The following PHACTR3 variants were observed in gnomAD, a reference collection of about 807,000 sequenced individuals.
PHACTR3 encodes phosphatase and actin regulator 3.
PHACTR3 carries 16 observed loss-of-function variants against 66.8 expected under a neutral mutation model. The ratio of observed to expected loss-of-function variants is 0.24; its 90% CI spans 0.16 to 0.36. The LOEUF is 0.36. PHACTR3 is among the 10% of genes least tolerant of loss of function. The pLI, the probability that PHACTR3 is intolerant of heterozygous loss-of-function variation, is 1.00. For synonymous variants in PHACTR3, 323 were observed against 292.1 expected (o/e 1.11, Z -1.08); for missense variants, 647 against 719.9 (o/e 0.90, Z 1.16).
At chr20:59,836,222 A>C in intron 8 of PHACTR3, 7 of 396,420 alleles carry the variant, frequency 1.8e-5, no homozygotes, top group Non-Finnish European at 2.2e-5. Flanking sequence ...CAGACCAGGC[A>C]AGGTTTGGGC....
At chr20:59,623,427 C>A (rs949879935) in intron 1 of PHACTR3, among the ~76,000 whole-genome samples, 2 of 152,174 alleles carry the variant, frequency 1.3e-5, no homozygotes, top group African/African-American at 4.8e-5. Flanking sequence ...CAACAAACAT[C>A]GACTGTCTTT....
In PHACTR3 at chr20:59,829,157, A is replaced by T. The variant is rs115561749; in HGVS notation, c.1329-7348A>T. On this transcript the variant is annotated intron_variant, in intron 8 of 12. Transcript: ENST00000371015. The surrounding 1 kb of genome is among the most constrained non-coding windows in gnomAD (Gnocchi z 4.2). ...CAGGGTGTGAAAAGGTCGGCTTTGGACTCAGAGTGCCTGGAGTCACATCCT... is the reference window on the plus strand; with the variant it reads ...CAGGGTGTGAAAAGGTCGGCTTTGGTCTCAGAGTGCCTGGAGTCACATCCT... 0.043 allele frequency among the ~76,000 whole-genome samples: 6,533 copies of T among 152,092 alleles called. 247 individuals carry two copies. Among genetic ancestry groups the T allele is most frequent in the African/African-American group, 0.1 (4,209 of 41,474 alleles).
chr20:59,807,867 G>A (rs1328036833), intron 8 of PHACTR3, among the ~76,000 whole-genome samples: 1 of 152,158 alleles, frequency 6.6e-6, no homozygotes, highest in African/African-American at 2.4e-5. Context: ...ATCCACATAC[G>A]CATCATTTTC....
At chr20:59,636,236 AG>A (rs2146408733) in intron 1 of PHACTR3, among the ~76,000 whole-genome samples, 1 of 152,326 alleles carries the variant, frequency 6.6e-6, no homozygotes, top group East Asian at 1.9e-4. Context: ...GTTATAAGCC[AG>A]TTCCTGAGTC....
rs2146548579 is a variant in PHACTR3, at chr20:59,683,285, T to G, written c.119-59822T>G. Among the ~76,000 whole-genome samples the G allele has an allele frequency of 1.3e-5, 2 of 152,338 alleles. 1 individual carries two copies. The highest frequency in any genetic ancestry group is 4.1e-4 in the South Asian group (2 of 4,828). On this transcript the variant is annotated intron_variant, in intron 1 of 12. Transcript: ENST00000371015. ...GCTACAGTGAATTTGGAGCATCTAT[T>G]TGACATCCGTGCAAAGATGACAAAT... is the stretch of plus-strand genomic sequence containing the variant.
chr20:59,752,437 C>CCCCCAACCCCT (rs1163863829), intron 3 of PHACTR3, among the ~76,000 whole-genome samples: 1 of 152,164 alleles, frequency 6.6e-6, no homozygotes, highest in East Asian at 1.9e-4. Context: ...TCCCACCGCT[C>CCCCCAACCCCT]CCCCAACCCC....
At chr20:59,790,242 ATTAG>A (rs1184361005) in intron 7 of PHACTR3, among the ~76,000 whole-genome samples, 1 of 152,122 alleles carries the variant, frequency 6.6e-6, no homozygotes, top group African/African-American at 2.4e-5. Context: ...CTTAGTACCC[ATTAG>A]TTAGTTTTCC....
chr20:59,704,156 C>A (rs926009307), intron 1 of PHACTR3, among the ~76,000 whole-genome samples: 1 of 152,116 alleles, frequency 6.6e-6, no homozygotes, highest in East Asian at 1.9e-4. Flanking sequence ...GCCTTCCCAT[C>A]GGCAAGGAAT....
intron 1 of PHACTR3, among the ~76,000 whole-genome samples, chr20:59,591,448 G>A (rs185000756): frequency 8.3e-4 from 127 of 152,302 alleles, no homozygotes; most frequent in Non-Finnish European, 9.3e-4. Context: ...AACTTGGTGG[G>A]TATTTTAGGG....
At chr20:59,755,069 G>A (rs1235740806) in intron 3 of PHACTR3, 113 bp from the exon 4 acceptor site, 5 of 1,066,990 alleles carry the variant, frequency 4.7e-6, no homozygotes, top group Non-Finnish European at 6.7e-6. Flanking sequence ...GGGGAGAGGG[G>A]TGGGGGACCA....
intron 1 of PHACTR3, among the ~76,000 whole-genome samples, chr20:59,717,840 A>G (rs1350920392): frequency 6.6e-6 from 1 of 152,212 alleles, no homozygotes; most frequent in Non-Finnish European, 1.5e-5. Context: ...AGGCACTTAA[A>G]TCTTTGATGA....
intron 1 of PHACTR3, among the ~76,000 whole-genome samples, chr20:59,698,306 G>A (rs1049315137): frequency 2.0e-5 from 3 of 152,094 alleles, no homozygotes; most frequent in Non-Finnish European, 4.4e-5. Context: ...TGGAGAGAGA[G>A]GGGCAGGGAG....
At chr20:59,846,418 T>G (rs1355844076) in intron 12 of PHACTR3, among the ~76,000 whole-genome samples, 1 of 152,140 alleles carries the variant, frequency 6.6e-6, no homozygotes, top group African/African-American at 2.4e-5. Flanking sequence ...TAACATACTT[T>G]TGGGGAGGAA....
chr20:59,630,174 G>T (rs1188363125), intron 1 of PHACTR3, among the ~76,000 whole-genome samples: 1 of 152,064 alleles, frequency 6.6e-6, no homozygotes, highest in Non-Finnish European at 1.5e-5. Flanking sequence ...GTATATGTCT[G>T]TTTAATTTTT....
intron 5 of PHACTR3, among the ~76,000 whole-genome samples, chr20:59,768,902 A>G (rs996277590): frequency 6.6e-6 from 1 of 152,226 alleles, no homozygotes; most frequent in East Asian, 1.9e-4. Context: ...TTTAGCTGGG[A>G]CTGCAGATGT....
At chr20:59,679,773 T>C (rs1223950067) in intron 1 of PHACTR3, among the ~76,000 whole-genome samples, 2 of 152,104 alleles carry the variant, frequency 1.3e-5, no homozygotes, top group Non-Finnish European at 2.9e-5. Context: ...TGAAAGGGGT[T>C]TCCCCTTATA....
At chr20:59,677,427 T>C (rs1338926643) in intron 1 of PHACTR3, among the ~76,000 whole-genome samples, 2 of 152,090 alleles carry the variant, frequency 1.3e-5, no homozygotes, top group African/African-American at 4.8e-5. Flanking sequence ...GACTTTTGGT[T>C]CTGAAAAATG....
chr20:59,709,482 T>G (rs1322249608), intron 1 of PHACTR3, among the ~76,000 whole-genome samples: 1 of 151,964 alleles, frequency 6.6e-6, no homozygotes, highest in Non-Finnish European at 1.5e-5. Context: ...GAAGCCAGGG[T>G]TTTTTTTCCA....
At chr20:59,796,085 G>A (rs371923183) in intron 7 of PHACTR3, among the ~76,000 whole-genome samples, 4 of 152,032 alleles carry the variant, frequency 2.6e-5, no homozygotes, top group African/African-American at 9.6e-5. Flanking sequence ...ATGGTTTTCT[G>A]TAGTGCAAAG....
Sources: gnomAD v4.1 joint callset for allele counts (sites outside exome capture counted in the v4.1 genomes callset) on GRCh38, gnomAD v4.1.1 for gene constraint, Gnocchi (gnomAD v3.1) non-coding constraint, MANE v1.5 for transcripts, NCBI Gene and HGNC (gene_info 2026-07-23, HGNC 2026-07-21) for gene names.